The following FRMD6 variants were observed in gnomAD, a reference collection of about 807,000 sequenced individuals.
The protein encoded by FRMD6 is FERM domain containing 6.
Under a neutral mutation model 73.2 loss-of-function variants are expected in FRMD6, and 37 were observed. The ratio of observed to expected loss-of-function variants is 0.51; its 90% confidence interval spans 0.39 to 0.66. The LOEUF (loss-of-function observed/expected upper bound fraction) is 0.66, where lower values mean the gene tolerates loss of function less well. Among genes scored for constraint, FRMD6 ranks in the 30% least tolerant of loss-of-function variants. FRMD6 has a pLI of 0.00. For synonymous variants in FRMD6, 273 were observed against 282.2 expected (o/e 0.97, Z 0.33); for missense variants, 714 against 780.5 (o/e 0.91, Z 1.02).
At chr14:51,576,269 T>A in intron 2 of FRMD6, 1 of 152,146 alleles carries the variant, frequency 6.6e-6, no homozygotes, top group East Asian at 1.9e-4. Context: ...TCCTATAGCC[T>A]TACAGACAGT....
At chr14:51,675,864 A>G (rs897038244) in intron 1 of FRMD6, among the ~76,000 whole-genome samples, 2 of 152,042 alleles carry the variant, frequency 1.3e-5, no homozygotes, top group Admixed American at 1.3e-4. Flanking sequence ...TCTTATCCCC[A>G]TAATTTATGT....
At chr14:51,695,758 T>G (rs1032770877) in intron 2 of FRMD6, among the ~76,000 whole-genome samples, 4 of 152,198 alleles carry the variant, frequency 2.6e-5, no homozygotes, top group African/African-American at 7.2e-5. Context: ...TTGGTGCTAC[T>G]TTGGTCTTAA....
At chr14:51,672,888 A>C (rs999883733) in intron 1 of FRMD6, among the ~76,000 whole-genome samples, 1 of 152,064 alleles carries the variant, frequency 6.6e-6, no homozygotes, top group Non-Finnish European at 1.5e-5. Flanking sequence ...ATTGGGTTCG[A>C]TTTTTCATGG....
intron 1 of FRMD6, among the ~76,000 whole-genome samples, chr14:51,655,316 C>A (rs1368156410): frequency 6.6e-6 from 1 of 152,128 alleles, no homozygotes; most frequent in East Asian, 1.9e-4. Context: ...TATCATTACA[C>A]ATTTTGGGAG....
intron 1 of FRMD6, among the ~76,000 whole-genome samples, chr14:51,516,882 G>A (rs895630339): frequency 1.3e-5 from 2 of 152,170 alleles, no homozygotes; most frequent in Admixed American, 1.3e-4. Flanking sequence ...CTTCCCTGCT[G>A]GAAACAGTTC....
At chr14:51,472,367 G>C in the FRMD6 span, among the ~76,000 whole-genome samples, 2 of 151,966 alleles carry the variant, frequency 1.3e-5, no homozygotes, top group South Asian at 4.2e-4. Context: ...GCAGTGGTGC[G>C]ATCTCAGCTC....
chr14:51,606,859 T>C (rs1351804449), intron 2 of FRMD6, among the ~76,000 whole-genome samples: 1 of 151,980 alleles, frequency 6.6e-6, no homozygotes, highest in African/African-American at 2.4e-5. Flanking sequence ...TAATGCTCAG[T>C]CTGAGGCCAA....
intron 1 of FRMD6, among the ~76,000 whole-genome samples, chr14:51,506,341 T>C (rs1883962808): frequency 6.6e-6 from 1 of 152,192 alleles, no homozygotes; most frequent in South Asian, 2.1e-4. Flanking sequence ...GGAGCACTAA[T>C]GTTTGGCAAG....
chr14:51,613,470 G>C (rs1890592069), intron 2 of FRMD6, among the ~76,000 whole-genome samples: 1 of 152,190 alleles, frequency 6.6e-6, no homozygotes, highest in African/African-American at 2.4e-5. Context: ...GAGCAGATTT[G>C]TGGATATGTG....
Position 51,722,048 on chromosome 14 carries a change from T to G in FRMD6, c.1460T>G (p.Met487Arg). ...ATGTGCATCTACATCACAGAGGACA[T>G]GCTCATGTCGCGGAAGCTGAATGGA... is the stretch of plus-strand genomic sequence containing the variant. Reference protein sequence around the residue: ...PDMCIYITEDMLMSRKLNGHS... With the variant: ...PDMCIYITEDRLMSRKLNGHS... The change falls in exon 12 of 14, where the codon ATG becomes AGG. Residue 487 changes from methionine to arginine, a missense_variant. Physicochemically the swap from Met to Arg is moderately conservative, Grantham distance 91 (BLOSUM62 -1). Transcript: ENST00000344768. The G allele has an allele frequency of 6.2e-7, 1 of 1,614,182 alleles. No homozygotes were observed. Among genetic ancestry groups the G allele is most frequent in the Non-Finnish European group, 8.5e-7 (1 of 1,180,034 alleles).
rs138138697 is a variant in FRMD6 at position 51,689,882 on chromosome 14, C to T, written c.46C>T (p.Arg16Cys). Residue 16 changes from arginine to cysteine, a missense_variant, in exon 2 of 14, where the codon CGC becomes TGC. Arg to Cys is a radical substitution (Grantham distance 180). Transcript: ENST00000344768. Reference sequence around the variant, plus strand: ...TAACAACAGAGTCATGCAAGACCGCCGCAGTGTGTGCATTTTCCTTCCCAA... The same window carrying T: ...TAACAACAGAGTCATGCAAGACCGCTGCAGTGTGTGCATTTTCCTTCCCAA... ...FHNNRVMQDR[R>C]SVCIFLPNDE... 238 of 1,613,560 alleles carry T rather than the reference C, an allele frequency of 1.5e-4. No individual in the cohort carries two copies. Among genetic ancestry groups the T allele is most frequent in the Non-Finnish European group, 1.8e-4 (210 of 1,179,628 alleles).
At chr14:51,545,933 T>G (rs370966484) in intron 1 of FRMD6, among the ~76,000 whole-genome samples, 1 of 152,098 alleles carries the variant, frequency 6.6e-6, no homozygotes, top group African/African-American at 2.4e-5. Context: ...CATTGTGATC[T>G]TGACAAAATA....
chr14:51,530,976 G>A (rs984908355), intron 1 of FRMD6, among the ~76,000 whole-genome samples: 14 of 152,174 alleles, frequency 9.2e-5, no homozygotes, highest in Admixed American at 2.0e-4. Context: ...AGTCCAATGC[G>A]CCAGCATCTG....
chr14:51,707,470 A>G (rs1408261814), intron 6 of FRMD6, among the ~76,000 whole-genome samples: 1 of 152,216 alleles, frequency 6.6e-6, no homozygotes, highest in Admixed American at 6.5e-5. Context: ...CTGAAAGCCC[A>G]GAGTACTGTC....
At chr14:51,452,197 A>G in the FRMD6 span, among the ~76,000 whole-genome samples, 3 of 152,234 alleles carry the variant, frequency 2.0e-5, no homozygotes, top group Non-Finnish European at 4.4e-5. Context: ...GGAATTTAAT[A>G]ACTATTTAGG....
intron 2 of FRMD6, among the ~76,000 whole-genome samples, chr14:51,601,735 A>G (rs964199751): frequency 1.0e-3 from 158 of 150,514 alleles, no homozygotes; most frequent in African/African-American, 3.8e-3. Context: ...CATGAGAGGA[A>G]GAAGGCAAGG....
intron 2 of FRMD6, among the ~76,000 whole-genome samples, chr14:51,614,212 GGTTTTTTT>G (rs1890624157): frequency 6.6e-6 from 1 of 151,918 alleles, no homozygotes; most frequent in African/African-American, 2.4e-5. Context: ...TGGGTTGGTT[GGTTTTTTT>G]GTTTTTTTGT....
chr14:51,436,686 G>C, the FRMD6 span: 2 of 531,426 alleles, frequency 3.8e-6, no homozygotes, highest in African/African-American at 3.9e-5. Flanking sequence ...AATGAGTTAG[G>C]AGAGGTCATC....
At chr14:51,700,617 C>G (rs183841728) in intron 3 of FRMD6, among the ~76,000 whole-genome samples, 16 of 152,094 alleles carry the variant, frequency 1.1e-4, no homozygotes, top group African/African-American at 3.9e-4. Flanking sequence ...ACCGTGTTTT[C>G]TAATTTCTTA....
Sources: allele counts gnomAD v4.1 joint callset (sites outside exome capture counted in the v4.1 genomes callset), GRCh38; gene constraint gnomAD v4.1.1; transcripts MANE v1.5; gene names NCBI Gene and HGNC (gene_info 2026-07-23, HGNC 2026-07-21).